The following LUZP2 variants were observed in gnomAD, a reference collection of about 807,000 sequenced individuals.
LUZP2 encodes leucine zipper protein 2.
LUZP2 carries 52 observed loss-of-function variants against 51.6 expected under a neutral mutation model. That is an observed-to-expected ratio of 1.01 (90% confidence interval 0.81 to 1.27). The LOEUF is 1.27. LUZP2 is among the 50% of genes most tolerant of loss of function. The probability of loss-of-function intolerance (pLI) is 0.00; values close to 1 mark genes in which losing one functional copy is unlikely to be tolerated. For synonymous variants in LUZP2, 154 were observed against 137.3 expected, an observed-to-expected ratio of 1.12 and a Z score of -0.85; for missense variants, 436 against 395.4, an observed-to-expected ratio of 1.10 and a Z score of -0.87.
chr11:24,993,150 G>A (rs1856399543), intron 9 of LUZP2, among the ~76,000 whole-genome samples: 2 of 152,108 alleles, frequency 1.3e-5, no homozygotes, highest in South Asian at 2.1e-4. Flanking sequence ...TTAGAATTTG[G>A]TATTACCATT....
chr11:24,828,460 T>C (rs1056753601), intron 5 of LUZP2, among the ~76,000 whole-genome samples: 3 of 151,450 alleles, frequency 2.0e-5, no homozygotes, highest in African/African-American at 7.3e-5. Flanking sequence ...TAAAAAAGTG[T>C]AATAAAATTC....
At chr11:24,764,698 C>T (rs1860117472) in intron 5 of LUZP2, among the ~76,000 whole-genome samples, 1 of 151,548 alleles carries the variant, frequency 6.6e-6, no homozygotes. Flanking sequence ...AAAATTAGAA[C>T]AACAACAAAA....
At chr11:24,704,633 C>G (rs1306134869) in intron 1 of LUZP2, among the ~76,000 whole-genome samples, 3 of 151,716 alleles carry the variant, frequency 2.0e-5, no homozygotes, top group African/African-American at 7.3e-5. Context: ...TATGAGAGAA[C>G]TTAAATAAGT....
rs12574853 is a variant in LUZP2, at chr11:24,931,103, C to T, written c.522+16565C>T. ...GCGCGTGCCTGTAATCCCACCTACTCGGGAGGCTGAAGCATGAGAATCACT... is the reference window on the plus strand; with the variant it reads ...GCGCGTGCCTGTAATCCCACCTACTTGGGAGGCTGAAGCATGAGAATCACT... On this transcript the variant is annotated intron_variant, in intron 7 of 11. Transcript: ENST00000336930. 6.4e-3 allele frequency among the ~76,000 whole-genome samples: 973 copies of T among 151,836 alleles called. 18 individuals are homozygous for T. Among genetic ancestry groups the T allele is most frequent in the East Asian group, 0.061 (313 of 5,134 alleles).
At chr11:24,626,551 C>T (rs527486755) in intron 1 of LUZP2, among the ~76,000 whole-genome samples, 1 of 152,256 alleles carries the variant, frequency 6.6e-6, no homozygotes, top group Admixed American at 6.5e-5. Flanking sequence ...GCCTTTCAGT[C>T]AGTTGTAAGG....
intron 1 of LUZP2, among the ~76,000 whole-genome samples, chr11:24,537,306 T>C (rs764554978): frequency 2.6e-5 from 4 of 151,822 alleles, no homozygotes; most frequent in Non-Finnish European, 5.9e-5. Flanking sequence ...TAAAGTGCAA[T>C]AAATCAAAAT....
intron 7 of LUZP2, among the ~76,000 whole-genome samples, chr11:24,948,607 A>G (rs544598415): frequency 1.3e-5 from 2 of 151,876 alleles, no homozygotes; most frequent in African/African-American, 4.8e-5. Context: ...TTTACAGTAT[A>G]TGATATGACA....
At chr11:24,977,789 A>G (rs1855919253) in intron 8 of LUZP2, among the ~76,000 whole-genome samples, 1 of 151,602 alleles carries the variant, frequency 6.6e-6, no homozygotes, top group Non-Finnish European at 1.5e-5. Context: ...TAACAAGTAT[A>G]TATGTATTTT....
intron 8 of LUZP2, 147 bp from the exon 9 acceptor site, chr11:24,982,979 A>G (rs1856079992): frequency 1.4e-6 from 1 of 699,508 alleles, no homozygotes; most frequent in Non-Finnish European, 2.3e-6. Context: ...AAAGTATGTC[A>G]TAATGAAATT....
chr11:24,820,904 A>G (rs1480313949), intron 5 of LUZP2, among the ~76,000 whole-genome samples: 4 of 152,146 alleles, frequency 2.6e-5, no homozygotes, highest in East Asian at 1.9e-4. Context: ...TTGATGTTCA[A>G]CAGTCAGTGG....
intron 1 of LUZP2, among the ~76,000 whole-genome samples, chr11:24,659,986 G>T (rs3923615): frequency 0.48 from 72,349 of 151,890 alleles, 17,951 homozygotes; most frequent in African/African-American, 0.61. Flanking sequence ...CAGTTCACTT[G>T]GAGTAACGAA....
intron 5 of LUZP2, among the ~76,000 whole-genome samples, chr11:24,883,177 G>GT (rs1299653948): frequency 6.8e-6 from 1 of 146,806 alleles, no homozygotes; most frequent in African/African-American, 2.7e-5. Context: ...GTTAGCAAAC[G>GT]TTTTTTTAAA....
chr11:24,731,992 T>A lies in LUZP2; in HGVS notation c.181-126T>A, dbSNP rs527466469. 6.8e-4 allele frequency: 439 copies of A among 648,670 alleles called. 1 individual carries two copies. Among genetic ancestry groups the A allele is most frequent in the Non-Finnish European group, 9.9e-4 (377 of 382,618 alleles). 40.2% of individuals were successfully genotyped at this position (648,670 alleles called of 1,614,324 possible). On this transcript the variant is annotated intron_variant, in intron 2 of 11. Coordinates refer to ENST00000336930, the MANE Select transcript of LUZP2 (RefSeq NM_001009909.4). ...ATCCTTGGAGCCGTGAGGACCATCA[T>A]AGACTCATTTTTAATTCTTGTTCCA...
chr11:24,963,836 A>G (rs1490892649), intron 7 of LUZP2, among the ~76,000 whole-genome samples: 1 of 152,118 alleles, frequency 6.6e-6, no homozygotes, highest in Non-Finnish European at 1.5e-5. Context: ...ATGGAAATGC[A>G]GAAATCACCC....
At chr11:24,736,627 C>A (rs1858950611) in intron 3 of LUZP2, among the ~76,000 whole-genome samples, 1 of 151,804 alleles carries the variant, frequency 6.6e-6, no homozygotes. Flanking sequence ...AACATGAAGT[C>A]ATAGTTTGGT....
At chr11:24,620,642 G>T (rs11028074) in intron 1 of LUZP2, among the ~76,000 whole-genome samples, 1 of 151,940 alleles carries the variant, frequency 6.6e-6, no homozygotes, top group African/African-American at 2.4e-5. Context: ...ATTTAATTTT[G>T]TCAGGTAACA....
At position 24,857,309 on chromosome 11, in the gene LUZP2, A is replaced by G. The variant is rs1294272674; in HGVS notation, c.397-48682A>G. On this transcript the variant is annotated intron_variant, in intron 5 of 11. Transcript: ENST00000336930. The stretch of plus-strand genomic sequence containing the variant: ...TATATACATATATATATATACATAT[A>G]TATACACACACACACACACACATAT... Among the ~76,000 whole-genome samples the G allele has an allele frequency of 6.2e-5, 3 of 48,140 alleles. 1 individual carries two copies. The South Asian group carries it at 1.7e-3, about 27-fold the overall frequency. The allele number at this position is 48,140 out of a possible 152,430, so 31.6% of individuals were successfully genotyped here.
At chr11:24,822,465 A>G (rs890455345) in intron 5 of LUZP2, among the ~76,000 whole-genome samples, 1 of 152,164 alleles carries the variant, frequency 6.6e-6, no homozygotes, top group Non-Finnish European at 1.5e-5. Flanking sequence ...TGTGCACATT[A>G]GGTGAAAGTC....
intron 1 of LUZP2, among the ~76,000 whole-genome samples, chr11:24,606,353 G>T (rs1039407366): frequency 2.6e-5 from 4 of 151,982 alleles, no homozygotes; most frequent in African/African-American, 9.7e-5. Flanking sequence ...GATAATGTAA[G>T]TGTTCTGAGC....
Sources: gnomAD v4.1 joint callset for allele counts (sites outside exome capture counted in the v4.1 genomes callset) on GRCh38, gnomAD v4.1.1 for gene constraint, MANE v1.5 for transcripts, NCBI Gene and HGNC (gene_info 2026-07-23, HGNC 2026-07-21) for gene names.